EYA4: variants seen among roughly 807,000 people sequenced by gnomAD.
EYA4 encodes protein phosphatase EYA4.
EYA4 carries 31 observed loss-of-function variants against 87.9 expected under a neutral mutation model. The observed-to-expected ratio is 0.35, with a 90% CI of 0.27 to 0.48. The LOEUF (loss-of-function observed/expected upper bound fraction) is 0.48, where lower values mean the gene tolerates loss of function less well. EYA4 is among the 20% of genes least tolerant of loss of function. The probability of loss-of-function intolerance (pLI) is 0.99; values close to 1 mark genes in which losing one functional copy is unlikely to be tolerated. For missense variants in EYA4, 678 were observed against 761.4 expected (o/e 0.89, Z 1.29); for synonymous variants, 263 against 270.6 (o/e 0.97, Z 0.28).
At chr6:133,240,654 A>T (rs991153263), upstream of EYA4, 1 of 152,348 alleles carries the variant, frequency 6.6e-6, no homozygotes, top group South Asian at 2.1e-4. Context: ...ACCCAGCAGC[A>T]CTGGAAGGGG....
intron 3 of EYA4, among the ~76,000 whole-genome samples, chr6:133,444,228 A>G (rs1792583202): frequency 6.6e-6 from 1 of 152,078 alleles, no homozygotes; most frequent in Non-Finnish European, 1.5e-5. Flanking sequence ...TTGTAGGCAC[A>G]TGTTATGTCT....
At chr6:133,378,926 G>GGTGTGTGTGT (rs10681162) in intron 2 of EYA4, among the ~76,000 whole-genome samples, 2,107 of 141,784 alleles carry the variant, frequency 0.015, 36 homozygotes, top group African/African-American at 0.05. Flanking sequence ...TTTCTGTCTT[G>GGTGTGTGTGT]GTGTGTGTGT....
At chr6:133,313,294 C>G (rs566798448) in intron 2 of EYA4, among the ~76,000 whole-genome samples, 1 of 152,158 alleles carries the variant, frequency 6.6e-6, no homozygotes, top group Non-Finnish European at 1.5e-5. Flanking sequence ...TGCCTCCTTC[C>G]TGAGGACTGA....
At chr6:133,266,862 A>AT (rs1161409170) in intron 1 of EYA4, among the ~76,000 whole-genome samples, 1 of 152,172 alleles carries the variant, frequency 6.6e-6, no homozygotes, top group East Asian at 1.9e-4. Flanking sequence ...TGTTTATTCC[A>AT]TTTTTTTGTT....
intron 2 of EYA4, among the ~76,000 whole-genome samples, chr6:133,287,910 G>A (rs1393644630): frequency 2.0e-5 from 3 of 152,004 alleles, no homozygotes; most frequent in Non-Finnish European, 2.9e-5. Context: ...CGAGGTGGGC[G>A]GATCACCTGA....
chr6:133,385,630 TA>T (rs1290571268), intron 3 of EYA4, among the ~76,000 whole-genome samples: 4 of 152,158 alleles, frequency 2.6e-5, no homozygotes, highest in African/African-American at 9.7e-5. Flanking sequence ...TTCATTTATT[TA>T]GTTAGCTTTA....
rs866968895 is a variant in EYA4, at chr6:133,411,117, A to G, written c.83+28676A>G. Among the ~76,000 whole-genome samples the G allele has an allele frequency of 9.8e-5, 15 of 152,300 alleles. No individual in the cohort carries two copies. The Middle Eastern group carries it at 0.014, about 138-fold the overall frequency. On this transcript the variant is annotated intron_variant, in intron 3 of 19. Coordinates refer to ENST00000355286, the MANE Select transcript of EYA4 (RefSeq NM_004100.5). ...GCATACAAGCAACAAACGGTTTAAC[A>G]CTACATGATGTTTTATTGTATAGTA...
chr6:133,425,300 G>A (rs1790571878), intron 3 of EYA4, among the ~76,000 whole-genome samples: 1 of 150,692 alleles, frequency 6.6e-6, no homozygotes, highest in Non-Finnish European at 1.5e-5. Context: ...AAGGAACTTA[G>A]ACATGTTTTG....
intron 1 of EYA4, among the ~76,000 whole-genome samples, chr6:133,244,073 A>G (rs1774205253): frequency 6.6e-6 from 1 of 152,216 alleles, no homozygotes; most frequent in African/African-American, 2.4e-5. Context: ...TGAAAGCAAC[A>G]TAATTAGATT....
At chr6:133,489,161 G>A (rs1181216346) in intron 13 of EYA4, among the ~76,000 whole-genome samples, 1 of 152,112 alleles carries the variant, frequency 6.6e-6, no homozygotes, top group Non-Finnish European at 1.5e-5. Context: ...GCAGAAAAAA[G>A]AATTAGTGAG....
At chr6:133,438,411 A>G (rs1002030713) in intron 3 of EYA4, among the ~76,000 whole-genome samples, 17 of 147,020 alleles carry the variant, frequency 1.2e-4, no homozygotes, top group Non-Finnish European at 1.6e-4. Context: ...CTCATCTTGT[A>G]TGTCGTCCAG....
At chr6:133,264,574 T>C (rs190488452) in intron 1 of EYA4, among the ~76,000 whole-genome samples, 1 of 152,266 alleles carries the variant, frequency 6.6e-6, no homozygotes, top group Admixed American at 6.5e-5. Flanking sequence ...GAGGTATTGG[T>C]AGGACTTGGT....
chr6:133,243,899 T>C (rs1166229231), intron 1 of EYA4, among the ~76,000 whole-genome samples: 1 of 152,216 alleles, frequency 6.6e-6, no homozygotes, highest in African/African-American at 2.4e-5. Flanking sequence ...ATCTGATTTT[T>C]ATGGCAACAA....
chr6:133,289,724 T>G (rs1365771848), intron 2 of EYA4, among the ~76,000 whole-genome samples: 2 of 152,220 alleles, frequency 1.3e-5, no homozygotes, highest in Non-Finnish European at 2.9e-5. Flanking sequence ...TAGCTGACAT[T>G]GACTTTAAAA....
At chr6:133,259,402 T>A (rs1218196345) in intron 1 of EYA4, among the ~76,000 whole-genome samples, 1 of 152,240 alleles carries the variant, frequency 6.6e-6, no homozygotes, top group African/African-American at 2.4e-5. Context: ...TCTGAATTCT[T>A]ACAACTTCAG....
chr6:133,455,502 C>T (rs1583325031), intron 5 of EYA4, among the ~76,000 whole-genome samples: 1 of 152,112 alleles, frequency 6.6e-6, no homozygotes, highest in African/African-American at 2.4e-5. Context: ...TAATCATTAC[C>T]GCATGGTTTT....
intron 3 of EYA4, among the ~76,000 whole-genome samples, chr6:133,397,081 A>T (rs914561745): frequency 6.6e-5 from 10 of 152,230 alleles, no homozygotes; most frequent in Admixed American, 6.5e-4. Flanking sequence ...GAATCACTCA[A>T]CTTGGCTGGA....
chr6:133,404,320 G>A (rs868258418), intron 3 of EYA4, among the ~76,000 whole-genome samples: 64 of 152,290 alleles, frequency 4.2e-4, no homozygotes, highest in African/African-American at 1.5e-3. Context: ...AGTTACCAAA[G>A]CGATTAATAA....
intron 2 of EYA4, among the ~76,000 whole-genome samples, chr6:133,354,509 A>T (rs902445280): frequency 6.6e-6 from 1 of 152,218 alleles, no homozygotes; most frequent in Middle Eastern, 3.2e-3. Flanking sequence ...TCACCAGAAT[A>T]ACTCAGGTAT....
Sources: allele counts gnomAD v4.1 joint callset (sites outside exome capture counted in the v4.1 genomes callset), GRCh38; gene constraint gnomAD v4.1.1; transcripts MANE v1.5; gene names NCBI Gene and HGNC (gene_info 2026-07-23, HGNC 2026-07-21).